PJA2: variants seen among roughly 807,000 people sequenced by gnomAD.
PJA2 encodes the protein praja ring finger ubiquitin ligase 2.
Under a neutral mutation model 69.3 loss-of-function variants are expected in PJA2, and 25 were observed. The ratio of observed to expected loss-of-function variants is 0.36; its 90% CI spans 0.26 to 0.50. PJA2 has a LOEUF of 0.50. PJA2 is among the 20% of genes least tolerant of loss of function. The probability of loss-of-function intolerance (pLI) is 0.96; values close to 1 mark genes in which losing one functional copy is unlikely to be tolerated. For missense variants in PJA2, 809 were observed against 830.2 expected, an observed-to-expected ratio of 0.97 and a Z score of 0.31; for synonymous variants, 308 against 277.8, an observed-to-expected ratio of 1.11 and a Z score of -1.08.
chr5:109,346,558 G>T (rs1215098070), intron 7 of PJA2, among the ~76,000 whole-genome samples: 1 of 152,210 alleles, frequency 6.6e-6, no homozygotes, highest in Non-Finnish European at 1.5e-5. Context: ...TACACATACA[G>T]TGAAATATTA....
At chr5:109,358,133 A>G (rs1762445592) in intron 6 of PJA2, among the ~76,000 whole-genome samples, 1 of 152,202 alleles carries the variant, frequency 6.6e-6, no homozygotes, top group Non-Finnish European at 1.5e-5. Context: ...CATGTTCATG[A>G]TGGCCATGAT....
intron 8 of PJA2, 89 bp downstream of exon 8, chr5:109,344,616 T>C: frequency 1.1e-6 from 1 of 882,874 alleles, no homozygotes; most frequent in Non-Finnish European, 1.7e-6. Flanking sequence ...AAGTTTCTAA[T>C]AATCAAGTAT....
At position 109,378,950 on chromosome 5, in the gene PJA2, G is replaced by A. The variant is rs182892170; in HGVS notation, c.537C>T (p.Asp179=). The A allele has an allele frequency of 1.2e-6, 2 of 1,614,112 alleles. No homozygotes were observed. Among genetic ancestry groups the A allele is most frequent in the East Asian group, 2.2e-5 (1 of 44,886 alleles). ...CGACTTCTGCAGAAAGTTGAAGATG[G>A]TCATTATCTTCTCCATGTTTGCCAT... ...DPDGKHGEDN[D]HLQLSAEVVE... Residue 179 remains aspartate, a synonymous_variant, in exon 4 of 10, where the codon GAC becomes GAT. Transcript: ENST00000361189.
intron 9 of PJA2, among the ~76,000 whole-genome samples, chr5:109,340,864 G>A (rs1339825239): frequency 9.9e-6 from 1 of 100,512 alleles, no homozygotes; most frequent in African/African-American, 3.1e-5. Context: ...CCGGTCTCCA[G>A]CCCCTAACCG....
At chr5:109,340,770 C>A (rs572440161) in intron 9 of PJA2, among the ~76,000 whole-genome samples, 3,556 of 100,788 alleles carry the variant, frequency 0.035, 166 homozygotes, top group Non-Finnish European at 0.045. Flanking sequence ...CCTGCCTCAG[C>A]CTGCCCAGTG....
At chr5:109,407,263 G>C (rs76241595) in intron 1 of PJA2, among the ~76,000 whole-genome samples, 3 of 152,090 alleles carry the variant, frequency 2.0e-5, no homozygotes, top group African/African-American at 7.2e-5. Context: ...ATATAAACCA[G>C]GGAATACTGG....
At position 109,335,353 on chromosome 5, in the gene PJA2, G is replaced by T. The variant is rs1390520361; in HGVS notation, c.*1878C>A. On this transcript the variant is annotated 3_prime_UTR_variant, in exon 10 of 10. Transcript: ENST00000361189. ...CTTAAGTTCAGCTCTCAACATTGCT[G>T]GTTGAGTTTGGAACCAAAACCTCTT... 6.6e-6 allele frequency: 1 copy of T among 152,584 alleles called. No individual in the cohort carries two copies. The highest frequency in any genetic ancestry group is 1.5e-5 in the Non-Finnish European group (1 of 68,026). The allele number at this position is 152,584 out of a possible 1,614,324, so 9.5% of individuals were successfully genotyped here.
In PJA2 at chr5:109,353,729, TA is replaced by T. The variant is rs1375150631; in HGVS notation, c.1764+2185del. ...CAGACATCTATATATTAGATACCTA[TA>T]TCTAGATATCTAGATTAGATATCTA... is the stretch of plus-strand genomic sequence containing the variant. On this transcript the variant is annotated intron_variant, in intron 7 of 9. Coordinates refer to ENST00000361189, the MANE Select transcript of PJA2 (RefSeq NM_014819.5). Among the ~76,000 whole-genome samples the T allele has an allele frequency of 9.9e-3, 1,468 of 147,776 alleles. 10 individuals are homozygous for T. The highest frequency in any genetic ancestry group is 0.014 in the Non-Finnish European group (938 of 66,348).
At chr5:109,393,731 A>T (rs1027116125) in intron 1 of PJA2, among the ~76,000 whole-genome samples, 2 of 152,010 alleles carry the variant, frequency 1.3e-5, no homozygotes, top group East Asian at 3.9e-4. Flanking sequence ...AAAATGGGTG[A>T]ATATAACAGA....
chr5:109,378,359 C>A lies in PJA2; in HGVS notation c.1128G>T (p.Leu376Phe), dbSNP rs756543815. 1 of 1,614,098 alleles carries A rather than the reference C, an allele frequency of 6.2e-7. No homozygotes were observed. The highest frequency in any genetic ancestry group is 8.5e-7 in the Non-Finnish European group (1 of 1,180,004). ...EYDGEHDCMF[L>F]DPPYSRVITQ... ...TAATAACTCTTGAGTATGGTGGATC[C>A]AAGAACATACAGTCATGCTCTCCAT... The change falls in exon 4 of 10, where the codon TTG becomes TTT. Residue 376 changes from leucine (L) to phenylalanine (F), a missense_variant. Leu to Phe is a conservative substitution (Grantham distance 22, BLOSUM62 0). Transcript: ENST00000361189.
At chr5:109,351,134 G>A (rs12656148) in intron 7 of PJA2, among the ~76,000 whole-genome samples, 2,461 of 142,278 alleles carry the variant, frequency 0.017, 102 homozygotes, top group East Asian at 0.14. Flanking sequence ...AAAAAAAAAC[G>A]GAAGGAATCT....
At chr5:109,401,047 T>C (rs1380130944) in intron 1 of PJA2, among the ~76,000 whole-genome samples, 1 of 151,994 alleles carries the variant, frequency 6.6e-6, no homozygotes, top group Non-Finnish European at 1.5e-5. Flanking sequence ...ATCCCAGCAC[T>C]TTGGGAGGCC....
intron 7 of PJA2, among the ~76,000 whole-genome samples, chr5:109,347,583 A>G (rs1762190214): frequency 6.6e-6 from 1 of 152,202 alleles, no homozygotes; most frequent in Admixed American, 6.5e-5. Flanking sequence ...TGGTCACATC[A>G]CTGTGAAGTT....
At chr5:109,345,115 G>A (rs559509853) in intron 7 of PJA2, among the ~76,000 whole-genome samples, 4 of 151,178 alleles carry the variant, frequency 2.6e-5, no homozygotes, top group East Asian at 3.9e-4. Context: ...GGCCGAGGCG[G>A]GGTGGGTCAC....
chr5:109,388,237 C>T (rs1164198275), intron 1 of PJA2, among the ~76,000 whole-genome samples: 2 of 152,122 alleles, frequency 1.3e-5, no homozygotes, highest in Non-Finnish European at 2.9e-5. Context: ...AAATACTGAC[C>T]GTTCCTGACA....
At chr5:109,397,027 A>G (rs979726249) in intron 1 of PJA2, among the ~76,000 whole-genome samples, 2 of 152,190 alleles carry the variant, frequency 1.3e-5, no homozygotes, top group Non-Finnish European at 2.9e-5. Context: ...AAAGTGATGA[A>G]GTCATAGGGC....
At chr5:109,385,197 T>G (rs1747130287) in intron 1 of PJA2, among the ~76,000 whole-genome samples, 1 of 152,220 alleles carries the variant, frequency 6.6e-6, no homozygotes, top group Non-Finnish European at 1.5e-5. Context: ...TTAAGAAGAA[T>G]GCTCTGGCTA....
chr5:109,390,793 G>A (rs1358371094), intron 1 of PJA2: 2 of 151,946 alleles, frequency 1.3e-5, no homozygotes, highest in Non-Finnish European at 2.9e-5. Flanking sequence ...GATGTATGCT[G>A]GATGATATTT....
At chr5:109,341,863 G>A (rs1183244087) in intron 9 of PJA2, among the ~76,000 whole-genome samples, 6 of 107,950 alleles carry the variant, frequency 5.6e-5, no homozygotes, top group African/African-American at 2.1e-4. Context: ...CGCCCCGTCC[G>A]GGAGGGAGGT....
Sources: allele counts gnomAD v4.1 joint callset (sites outside exome capture counted in the v4.1 genomes callset), GRCh38; gene constraint gnomAD v4.1.1; transcripts MANE v1.5; gene names NCBI Gene and HGNC (gene_info 2026-07-23, HGNC 2026-07-21).